The following PTPRD variants were observed in gnomAD, a reference collection of about 807,000 sequenced individuals.
The protein encoded by PTPRD is protein tyrosine phosphatase receptor type D.
PTPRD carries 34 observed loss-of-function variants against 214.5 expected under a neutral mutation model. The observed-to-expected ratio is 0.16, with a 90% CI of 0.12 to 0.21. The LOEUF (loss-of-function observed/expected upper bound fraction) is 0.21, where lower values mean the gene tolerates loss of function less well. Among genes scored for constraint, PTPRD ranks in the 10% least tolerant of loss-of-function variants. The pLI is 1.00. For synonymous variants in PTPRD, 1,128 were observed against 845.7 expected (o/e 1.33, Z -5.79); for missense variants, 2,545 against 2,398.7 (o/e 1.06, Z -1.27).
At chr9:9,616,469 G>T (rs1232703692) in intron 7 of PTPRD, among the ~76,000 whole-genome samples, 1 of 152,082 alleles carries the variant, frequency 6.6e-6, no homozygotes, top group Non-Finnish European at 1.5e-5. Context: ...ACATAAAGTT[G>T]TTCAAGTTCA....
intron 11 of PTPRD, among the ~76,000 whole-genome samples, chr9:8,748,537 A>AAG (rs1555264156): frequency 4.3e-5 from 5 of 117,246 alleles, no homozygotes; most frequent in African/African-American, 1.6e-4. Flanking sequence ...AAAAAAAAAA[A>AAG]AAAGAAAAAG....
intron 8 of PTPRD, among the ~76,000 whole-genome samples, chr9:9,437,543 T>A (rs2144007651): frequency 6.6e-6 from 1 of 152,222 alleles, no homozygotes; most frequent in South Asian, 2.1e-4. Flanking sequence ...TCTGGCAGAT[T>A]TTTCTGTTTT....
At chr9:9,286,023 C>G (rs1193622002) in intron 9 of PTPRD, among the ~76,000 whole-genome samples, 1 of 151,726 alleles carries the variant, frequency 6.6e-6, no homozygotes, top group African/African-American at 2.4e-5. Context: ...CATTGCCATC[C>G]CCCACCCGAT....
intron 3 of PTPRD, among the ~76,000 whole-genome samples, chr9:10,155,040 A>G (rs928046322): frequency 2.6e-5 from 4 of 152,044 alleles, no homozygotes; most frequent in Non-Finnish European, 5.9e-5. Flanking sequence ...TTTGGGAAGT[A>G]TGGCCATTTT....
chr9:8,774,620 C>A (rs976166862), intron 11 of PTPRD, among the ~76,000 whole-genome samples: 1 of 148,774 alleles, frequency 6.7e-6, no homozygotes, highest in East Asian at 2.0e-4. Context: ...CTGCAACCTC[C>A]GCCTCCTGGG....
intron 9 of PTPRD, among the ~76,000 whole-genome samples, chr9:9,281,556 A>G (rs1947704857): frequency 6.6e-6 from 1 of 151,376 alleles, no homozygotes; most frequent in African/African-American, 2.4e-5. Context: ...ATATTACTAC[A>G]CACCTATATT....
At chr9:10,094,268 C>CT (rs2098461460) in intron 3 of PTPRD, among the ~76,000 whole-genome samples, 1 of 151,006 alleles carries the variant, frequency 6.6e-6, no homozygotes, top group Admixed American at 6.6e-5. Flanking sequence ...ATTCCAACCC[C>CT]TAAGAGACCT....
intron 4 of PTPRD, among the ~76,000 whole-genome samples, chr9:9,989,423 G>T (rs1274583280): frequency 6.6e-6 from 1 of 152,158 alleles, no homozygotes; most frequent in African/African-American, 2.4e-5. Flanking sequence ...AAGAGAAGAA[G>T]CAGCTGGATG....
intron 9 of PTPRD, among the ~76,000 whole-genome samples, chr9:9,307,994 A>C (rs1308485343): frequency 6.6e-6 from 1 of 152,050 alleles, no homozygotes; most frequent in African/African-American, 2.4e-5. Context: ...ATTCTATTCA[A>C]ATGTCATCTA....
intron 11 of PTPRD, among the ~76,000 whole-genome samples, chr9:9,014,241 G>A (rs1589808088): frequency 6.8e-6 from 1 of 146,702 alleles, no homozygotes; most frequent in Admixed American, 6.9e-5. Flanking sequence ...AGTTTCATGA[G>A]CAAAGCTGAT....
intron 11 of PTPRD, among the ~76,000 whole-genome samples, chr9:8,993,531 G>A (rs1429564936): frequency 2.6e-5 from 4 of 152,050 alleles, no homozygotes; most frequent in Admixed American, 1.3e-4. Context: ...TGAGCAATAT[G>A]AGCCATATGA....
intron 11 of PTPRD, among the ~76,000 whole-genome samples, chr9:8,763,199 G>C (rs2094511612): frequency 6.6e-6 from 1 of 152,150 alleles, no homozygotes; most frequent in African/African-American, 2.4e-5. Context: ...CAGTAGAGCA[G>C]ACTATAAGAC....
chr9:9,872,451 A>C (rs564571575), intron 5 of PTPRD, among the ~76,000 whole-genome samples: 90 of 152,218 alleles, frequency 5.9e-4, no homozygotes, highest in African/African-American at 2.1e-3. Flanking sequence ...GAAAATTTTA[A>C]TTAGCTGGGC....
intron 10 of PTPRD, among the ~76,000 whole-genome samples, chr9:9,060,840 G>A (rs1464289538): frequency 1.3e-5 from 2 of 152,268 alleles, no homozygotes; most frequent in Admixed American, 6.5e-5. Flanking sequence ...TAATTAAAAT[G>A]TCTAACAATA....
At chr9:10,468,309 A>G (rs2099007780) in intron 2 of PTPRD, among the ~76,000 whole-genome samples, 1 of 152,216 alleles carries the variant, frequency 6.6e-6, no homozygotes, top group Admixed American at 6.5e-5. Context: ...ACCATGGAAT[A>G]CTATGCAGCC....
chr9:9,931,705 C>A (rs567367956), intron 5 of PTPRD, among the ~76,000 whole-genome samples: 3 of 151,496 alleles, frequency 2.0e-5, no homozygotes, highest in Non-Finnish European at 4.4e-5. Flanking sequence ...CTGGGAAGCT[C>A]GAACTGGGTG....
chr9:10,412,571 G>A (rs1249307348), intron 2 of PTPRD, among the ~76,000 whole-genome samples: 1 of 151,096 alleles, frequency 6.6e-6, no homozygotes, highest in Non-Finnish European at 1.5e-5. Context: ...TTTTATGAGG[G>A]CAGAATCATC....
intron 9 of PTPRD, among the ~76,000 whole-genome samples, chr9:9,285,813 T>C (rs961301978): frequency 6.6e-6 from 1 of 151,796 alleles, no homozygotes; most frequent in Non-Finnish European, 1.5e-5. Flanking sequence ...CTCATCTGCT[T>C]TCATGGCCTC....
intron 3 of PTPRD, among the ~76,000 whole-genome samples, chr9:10,157,754 C>T (rs1479914576): frequency 6.6e-6 from 1 of 152,040 alleles, no homozygotes; most frequent in East Asian, 1.9e-4. Flanking sequence ...TTCCATTATC[C>T]TCATCTCTTT....
Sources: gnomAD v4.1 joint callset for allele counts (sites outside exome capture counted in the v4.1 genomes callset) on GRCh38, gnomAD v4.1.1 for gene constraint, MANE v1.5 for transcripts, NCBI Gene and HGNC (gene_info 2026-07-23, HGNC 2026-07-21) for gene names.